Variants in ALK observed in about 807,000 individuals in gnomAD.
ALK encodes ALK tyrosine kinase receptor.
A neutral mutation model predicts 163.1 loss-of-function variants in ALK; 74 were observed. The ratio of observed to expected loss-of-function variants is 0.45; its 90% CI spans 0.38 to 0.55. ALK has a LOEUF of 0.55. ALK is among the 20% of genes least tolerant of loss of function. The probability of loss-of-function intolerance (pLI) is 0.00; values close to 1 mark genes in which losing one functional copy is unlikely to be tolerated. For missense variants in ALK, 2,063 were observed against 2,105.3 expected (o/e 0.98, Z 0.39); for synonymous variants, 960 against 843.2 (o/e 1.14, Z -2.40).
chr2:29,395,433 A>G (rs1177928075), intron 4 of ALK, among the ~76,000 whole-genome samples: 2 of 152,132 alleles, frequency 1.3e-5, no homozygotes, highest in Non-Finnish European at 2.9e-5. Flanking sequence ...CCCCACCCAC[A>G]CCTTGCTATG....
At chr2:29,332,573 T>G (rs759839625) in intron 5 of ALK, among the ~76,000 whole-genome samples, 1 of 152,190 alleles carries the variant, frequency 6.6e-6, no homozygotes, top group Non-Finnish European at 1.5e-5. Context: ...ATTTTTAACA[T>G]CTTGGTAGAT....
At chr2:29,635,021 T>C (rs1167561284) in intron 3 of ALK, among the ~76,000 whole-genome samples, 1 of 152,182 alleles carries the variant, frequency 6.6e-6, no homozygotes, top group Non-Finnish European at 1.5e-5. Flanking sequence ...AAATTAGGAA[T>C]ACAATAACAT....
chr2:29,227,557 C>T lies in ALK; in HGVS notation c.2914+17G>A, dbSNP rs764605446. 1.9e-6 allele frequency: 3 copies of T among 1,604,698 alleles called. No homozygotes were observed. Among genetic ancestry groups the T allele is most frequent in the East Asian group, 2.2e-5 (1 of 44,842 alleles). On this transcript the variant is annotated intron_variant, in intron 17 of 28. Coordinates refer to ENST00000389048, the MANE Select transcript of ALK (RefSeq NM_004304.5). The surrounding 1 kb of genome is among the most constrained non-coding windows in gnomAD (Gnocchi z 4.4). ...TGACCTAAGCAAGTTTGTTCTGCTG[C>T]CTGGCAGAGAAGCTACCTTTTAAAG... is the stretch of plus-strand genomic sequence containing the variant.
At chr2:29,868,407 G>C (rs1666496085) in intron 1 of ALK, among the ~76,000 whole-genome samples, 1 of 152,198 alleles carries the variant, frequency 6.6e-6, no homozygotes, top group African/African-American at 2.4e-5. Flanking sequence ...AAGACAGGCA[G>C]TAAATAATAT....
intron 4 of ALK, among the ~76,000 whole-genome samples, chr2:29,517,442 T>C (rs536398711): frequency 1.3e-5 from 2 of 152,296 alleles, no homozygotes; most frequent in East Asian, 3.9e-4. Flanking sequence ...AGAGCTTTCA[T>C]CCACATTAAA....
chr2:29,310,837 C>T (rs558720019), intron 8 of ALK, among the ~76,000 whole-genome samples: 8 of 152,274 alleles, frequency 5.3e-5, no homozygotes, highest in African/African-American at 1.9e-4. Flanking sequence ...CACAGGGTAG[C>T]CGTGGGAGGT....
chr2:29,601,309 C>T (rs1386048620), intron 3 of ALK, among the ~76,000 whole-genome samples: 2 of 152,172 alleles, frequency 1.3e-5, no homozygotes, highest in Non-Finnish European at 2.9e-5. Flanking sequence ...TAGCTCCAGT[C>T]CTATTTAATG....
At chr2:29,396,772 G>A (rs1669316030) in intron 4 of ALK, among the ~76,000 whole-genome samples, 1 of 148,142 alleles carries the variant, frequency 6.8e-6, no homozygotes, top group South Asian at 2.1e-4. Context: ...ACATACCAGG[G>A]CTCCTTCATC....
At chr2:29,798,950 G>A (rs1024401200) in intron 1 of ALK, among the ~76,000 whole-genome samples, 1 of 152,216 alleles carries the variant, frequency 6.6e-6, no homozygotes, top group Non-Finnish European at 1.5e-5. Flanking sequence ...CTTACCACCA[G>A]TGAGAACTTG....
At chr2:29,347,922 T>C (rs778316284) in intron 5 of ALK, among the ~76,000 whole-genome samples, 2 of 152,236 alleles carry the variant, frequency 1.3e-5, no homozygotes, top group African/African-American at 2.4e-5. Flanking sequence ...TAGAGCTTGA[T>C]AATTTGCATT....
intron 12 of ALK, among the ~76,000 whole-genome samples, chr2:29,245,755 A>T (rs1467762898): frequency 2.1e-5 from 3 of 142,194 alleles, no homozygotes; most frequent in African/African-American, 8.1e-5. Flanking sequence ...TAAGGGCTTT[A>T]TGGCTCAGTG....
At chr2:29,463,792 C>T (rs537438666) in intron 4 of ALK, among the ~76,000 whole-genome samples, 2 of 152,104 alleles carry the variant, frequency 1.3e-5, no homozygotes, top group Non-Finnish European at 2.9e-5. Context: ...CTAATTCATG[C>T]ATGCATGAGG....
At chr2:29,846,240 T>A (rs919129695) in intron 1 of ALK, among the ~76,000 whole-genome samples, 1 of 152,196 alleles carries the variant, frequency 6.6e-6, no homozygotes, top group African/African-American at 2.4e-5. Flanking sequence ...GATCTGGCCC[T>A]TGGCACTTGC....
At chr2:29,879,173 A>G (rs1404538881) in intron 1 of ALK, among the ~76,000 whole-genome samples, 3 of 152,188 alleles carry the variant, frequency 2.0e-5, no homozygotes, top group African/African-American at 7.2e-5. Context: ...ATGGCAGCCC[A>G]GGACACACGA....
chr2:29,377,089 T>A (rs1668770324), intron 5 of ALK, among the ~76,000 whole-genome samples: 1 of 152,230 alleles, frequency 6.6e-6, no homozygotes, highest in Non-Finnish European at 1.5e-5. Context: ...TAAGCCCTAA[T>A]TTTTTAAATA....
In ALK at chr2:29,371,175, A is replaced by G. The variant is rs574275747; in HGVS notation, c.1282+12557T>C. ...GCCGCTGCCCAGCAACTGTCTGCCA[A>G]TGTTTCCTCCCCAAACAAATCTCAA... is the stretch of plus-strand genomic sequence containing the variant. On this transcript the variant is annotated intron_variant, in intron 5 of 28. Transcript: ENST00000389048. Among the ~76,000 whole-genome samples, 3 of 152,346 alleles carry G rather than the reference A, an allele frequency of 2.0e-5. No homozygotes were observed. In the South Asian group the frequency reaches 6.2e-4, roughly 32 times the overall value.
chr2:29,600,873 C>T (rs1675363859), intron 3 of ALK, among the ~76,000 whole-genome samples: 4 of 152,076 alleles, frequency 2.6e-5, no homozygotes, highest in Admixed American at 2.6e-4. Context: ...ACTTGGAGGA[C>T]CATGAAAGGG....
intron 3 of ALK, among the ~76,000 whole-genome samples, chr2:29,667,898 A>G (rs534190105): frequency 6.6e-6 from 1 of 152,232 alleles, no homozygotes; most frequent in Admixed American, 6.5e-5. Context: ...ACACAACAGC[A>G]GGGAAACCAT....
chr2:29,594,291 TACTATATAAGGGTGTGAG>T (rs1210889353), intron 3 of ALK, among the ~76,000 whole-genome samples: 1 of 152,154 alleles, frequency 6.6e-6, no homozygotes, highest in Admixed American at 6.5e-5. Context: ...ATGGTGGAAA[TACTATATAAGGGTGTGAG>T]CTGTGTATCT....
Sources: gnomAD v4.1 joint callset for allele counts (sites outside exome capture counted in the v4.1 genomes callset) on GRCh38, gnomAD v4.1.1 for gene constraint, Gnocchi (gnomAD v3.1) non-coding constraint, MANE v1.5 for transcripts, NCBI Gene and HGNC (gene_info 2026-07-23, HGNC 2026-07-21) for gene names.